Variants in KAT7 observed in about 807,000 individuals in gnomAD.
The protein encoded by KAT7 is histone acetyltransferase KAT7.
KAT7 carries 10 observed loss-of-function variants against 82.1 expected under a neutral mutation model. The observed-to-expected ratio is 0.12, with a 90% CI of 0.08 to 0.21. The LOEUF (loss-of-function observed/expected upper bound fraction) is 0.21. Among genes scored for constraint, KAT7 ranks in the 10% least tolerant of loss-of-function variants. KAT7 has a pLI of 1.00. For synonymous variants in KAT7, 250 were observed against 262.5 expected (o/e 0.95, Z 0.46); for missense variants, 378 against 760.9 (o/e 0.50, Z 5.92).
chr17:49,797,444 C>T (rs1010034541), intron 3 of KAT7, among the ~76,000 whole-genome samples: 1 of 152,050 alleles, frequency 6.6e-6, no homozygotes, highest in Non-Finnish European at 1.5e-5. Context: ...TTAAATCGTA[C>T]CTGTAATAGG....
chr17:49,805,312 C>T, intron 4 of KAT7, 51 bp from the exon 5 acceptor site: 1 of 1,284,574 alleles, frequency 7.8e-7, no homozygotes, highest in Non-Finnish European at 1.1e-6. Context: ...AAACATACTA[C>T]TTTCTAAGCT....
At position 49,830,208 on chromosome 17, in the gene KAT7, T is replaced by TAAA. The variant is rs368154563; in HGVS notation, c.*2711_*2713dup. The TAAA allele has an allele frequency of 3.1e-4, 26 of 84,152 alleles. 1 individual carries two copies. The highest frequency in any genetic ancestry group is 1.4e-3 in the African/African-American group (24 of 17,178). 5.2% of individuals were successfully genotyped at this position (84,152 alleles called of 1,614,324 possible). A position where few individuals can be genotyped will look rare whatever the true frequency, so the allele number is the denominator to read the frequency against. Reference sequence around the variant, plus strand: ...TTTTTTTTTTTTTTTTTTTTTTTTTTAAAAAAAGACAGTCTCACTCTATCA... The same window carrying TAAA: ...TTTTTTTTTTTTTTTTTTTTTTTTTTAAAAAAAAAAGACAGTCTCACTCTATCA... On this transcript the variant is annotated 3_prime_UTR_variant, in exon 15 of 15. Transcript: ENST00000259021.
intron 2 of KAT7, among the ~76,000 whole-genome samples, chr17:49,792,610 A>G (rs1312605450): frequency 2.6e-5 from 4 of 152,160 alleles, no homozygotes. Flanking sequence ...CGTAACTCCC[A>G]GTCAGCCATT....
chr17:49,829,189 G>C lies in KAT7; in HGVS notation c.*1687G>C, dbSNP rs2074402393. 3 of 152,390 alleles carry C rather than the reference G, an allele frequency of 2.0e-5. No individual in the cohort carries two copies. Among genetic ancestry groups the C allele is most frequent in the South Asian group, 2.1e-4 (1 of 4,828 alleles). 9.4% of individuals were successfully genotyped at this position (152,390 alleles called of 1,614,324 possible). On this transcript the variant is annotated 3_prime_UTR_variant, in exon 15 of 15. Transcript: ENST00000259021. ...ATGCACTTGGGATTTGCTTTCCCTA[G>C]CAGTAAACTGTTGAGGGATGTGGTT...
chr17:49,789,095 T>C (rs917259186), intron 1 of KAT7: 4 of 387,254 alleles, frequency 1.0e-5, no homozygotes, highest in Non-Finnish European at 1.9e-5. Context: ...AATTGGTCGC[T>C]GAAACGTCTG....
chr17:49,812,043 G>C (rs1276584158), intron 7 of KAT7, among the ~76,000 whole-genome samples: 1 of 151,936 alleles, frequency 6.6e-6, no homozygotes, highest in East Asian at 1.9e-4. Flanking sequence ...TCTAACTTTA[G>C]AAGTAATGTA....
intron 2 of KAT7, 53 bp downstream of exon 2, chr17:49,792,086 C>A: frequency 6.4e-7 from 1 of 1,564,512 alleles, no homozygotes; most frequent in East Asian, 2.3e-5. Flanking sequence ...CTGACTGGCC[C>A]ATCACATTAT....
At chr17:49,810,506 C>G (rs913087591) in intron 6 of KAT7, among the ~76,000 whole-genome samples, 9 of 152,194 alleles carry the variant, frequency 5.9e-5, no homozygotes, top group Middle Eastern at 3.2e-3. Context: ...ATCCACCTGC[C>G]TTGGCCTCCC....
intron 4 of KAT7, among the ~76,000 whole-genome samples, chr17:49,800,820 G>A (rs1200829293): frequency 6.6e-6 from 1 of 152,132 alleles, no homozygotes; most frequent in East Asian, 1.9e-4. Flanking sequence ...GGAGTACTGA[G>A]GGTAGGATAT....
At chr17:49,812,277 T>G (rs371979532) in intron 7 of KAT7, among the ~76,000 whole-genome samples, 4 of 139,054 alleles carry the variant, frequency 2.9e-5, no homozygotes, top group African/African-American at 1.1e-4. Flanking sequence ...CAGGCTGGAG[T>G]GCAGTGGCAC....
rs984591400 is a variant in KAT7, at chr17:49,827,820, C to G, written c.*318C>G. On this transcript the variant is annotated 3_prime_UTR_variant, in exon 15 of 15. Transcript: ENST00000259021. ...CACTGGTTCTCTCCTCATGTCCTCT[C>G]GCCCCATGAGGTTGTGTTGTGTCTT... 1 of 286,272 alleles carries G rather than the reference C, an allele frequency of 3.5e-6. No homozygotes were observed. The highest frequency in any genetic ancestry group is 2.2e-5 in the African/African-American group (1 of 46,270). 17.7% of individuals were successfully genotyped at this position (286,272 alleles called of 1,614,324 possible).
intron 4 of KAT7, among the ~76,000 whole-genome samples, chr17:49,801,175 A>G (rs2074019675): frequency 6.6e-6 from 1 of 152,060 alleles, no homozygotes; most frequent in Admixed American, 6.6e-5. Flanking sequence ...AGGAAAGTTT[A>G]CTTGTATTTG....
chr17:49,822,866 C>T (rs1038716178), intron 11 of KAT7, among the ~76,000 whole-genome samples: 3 of 152,042 alleles, frequency 2.0e-5, no homozygotes, highest in African/African-American at 7.2e-5. Context: ...CCTTCTCTTC[C>T]AGTAGGCAGC....
rs1187834682 is a variant in KAT7 at position 49,831,080 on chromosome 17, G to A, written c.*3578G>A. 1 of 152,224 alleles carries A rather than the reference G, an allele frequency of 6.6e-6. No individual in the cohort carries two copies. The highest frequency in any genetic ancestry group is 1.5e-5 in the Non-Finnish European group (1 of 68,094). 9.4% of individuals were successfully genotyped at this position (152,224 alleles called of 1,614,324 possible). On this transcript the variant is annotated 3_prime_UTR_variant, in exon 15 of 15. Transcript: ENST00000259021. ...GCAGATCGCTTGAGTCCAGGAATTC[G>A]AGACTAGCCTGGGCAGCATGGTGAA...
At chr17:49,805,519 G>T in intron 5 of KAT7, 74 bp downstream of exon 5, 1 of 1,026,730 alleles carries the variant, frequency 9.7e-7, no homozygotes. Context: ...GCTGAACACT[G>T]GGGATACAGT....
intron 2 of KAT7, 141 bp downstream of exon 2, chr17:49,792,174 T>C: frequency 1.2e-6 from 1 of 801,948 alleles, no homozygotes; most frequent in Non-Finnish European, 2.0e-6. Context: ...AAATGTAGAG[T>C]GAATGCAGAG....
chr17:49,801,262 C>T (rs2143879748), intron 4 of KAT7, among the ~76,000 whole-genome samples: 1 of 152,302 alleles, frequency 6.6e-6, no homozygotes, highest in East Asian at 1.9e-4. Flanking sequence ...TCACTCACTG[C>T]AACTTCCGCC....
intron 1 of KAT7, among the ~76,000 whole-genome samples, chr17:49,791,368 C>T (rs539412727): frequency 6.6e-5 from 10 of 152,172 alleles, no homozygotes; most frequent in Admixed American, 6.5e-4. Context: ...AGAATTAATT[C>T]TCTTCATGGC....
intron 6 of KAT7, among the ~76,000 whole-genome samples, chr17:49,809,653 G>A (rs2074136799): frequency 6.6e-6 from 1 of 152,072 alleles, no homozygotes; most frequent in Admixed American, 6.5e-5. Context: ...GAGCATCCTG[G>A]CTTGGTCCTA....
Sources: allele counts gnomAD v4.1 joint callset (sites outside exome capture counted in the v4.1 genomes callset), GRCh38; gene constraint gnomAD v4.1.1; transcripts MANE v1.5; gene names NCBI Gene and HGNC (gene_info 2026-07-23, HGNC 2026-07-21).